Variants in SLC15A2 observed in about 807,000 individuals in gnomAD.
SLC15A2 encodes the protein kidney H(+)/peptide cotransporter.
SLC15A2 carries 77 observed loss-of-function variants against 95.5 expected under a neutral mutation model. The ratio of observed to expected loss-of-function variants is 0.81; its 90% confidence interval spans 0.67 to 0.97. The LOEUF (loss-of-function observed/expected upper bound fraction) is 0.97, where lower values mean the gene tolerates loss of function less well. SLC15A2 is among the 50% of genes least tolerant of loss of function. The probability of loss-of-function intolerance (pLI) is 0.00; values close to 1 mark genes in which losing one functional copy is unlikely to be tolerated. For synonymous variants in SLC15A2, 306 were observed against 306.9 expected, an observed-to-expected ratio of 1.00 and a Z score of 0.03; for missense variants, 893 against 874.4, an observed-to-expected ratio of 1.02 and a Z score of -0.27.
intron 19 of SLC15A2, 93 bp from the exon 20 acceptor site, chr3:121,939,256 A>G: frequency 9.4e-7 from 1 of 1,059,202 alleles, no homozygotes; most frequent in Non-Finnish European, 1.3e-6. Flanking sequence ...ATGAAAATAC[A>G]AAAAGGATGG....
chr3:121,925,477 A>T (rs1290789671), intron 13 of SLC15A2, among the ~76,000 whole-genome samples: 1 of 151,654 alleles, frequency 6.6e-6, no homozygotes, highest in Non-Finnish European at 1.5e-5. Flanking sequence ...ACTGCCTGAA[A>T]TTTTTTCTAA....
At chr3:121,934,571 T>C (rs1392412450) in intron 19 of SLC15A2, among the ~76,000 whole-genome samples, 22 of 150,850 alleles carry the variant, frequency 1.5e-4, no homozygotes, top group Non-Finnish European at 2.8e-4. Flanking sequence ...GTTTGTCTGT[T>C]ATTGGTGTAT....
At chr3:121,905,021 T>C (rs1366950332) in intron 3 of SLC15A2, among the ~76,000 whole-genome samples, 1 of 152,232 alleles carries the variant, frequency 6.6e-6, no homozygotes, top group African/African-American at 2.4e-5. Flanking sequence ...TTGCCTCAGT[T>C]TCAGAACCTG....
intron 3 of SLC15A2, among the ~76,000 whole-genome samples, chr3:121,897,750 T>A (rs955620747): frequency 2.0e-5 from 3 of 152,252 alleles, no homozygotes; most frequent in Admixed American, 1.3e-4. Flanking sequence ...TGTGTTTACA[T>A]CCTCTTCAGT....
At position 121,929,342 on chromosome 3, in the gene SLC15A2, C is replaced by A; in HGVS notation, c.1547C>A (p.Thr516Asn). Residue 516 changes from threonine (T) to asparagine (N), a missense_variant, in exon 17 of 22, where the codon ACC (threonine) becomes AAC (asparagine). Coordinates refer to ENST00000489711, the MANE Select transcript of SLC15A2 (RefSeq NM_021082.4). ...AGCAGAACAACCAATGGGATGACAACCGTGAGGTTTGAATGTCAATGAGAT... is the reference window on the plus strand; with the variant it reads ...AGCAGAACAACCAATGGGATGACAAACGTGAGGTTTGAATGTCAATGAGAT... ...TESRTTNGMT[T>N]VRFVNTLHKD... 1 of 1,613,906 alleles carries A rather than the reference C, an allele frequency of 6.2e-7. No individual in the cohort carries two copies. The highest frequency in any genetic ancestry group is 8.5e-7 in the Non-Finnish European group (1 of 1,179,806).
chr3:121,939,770 C>T (rs1255854409), intron 20 of SLC15A2, among the ~76,000 whole-genome samples: 2 of 151,970 alleles, frequency 1.3e-5, no homozygotes, highest in Non-Finnish European at 2.9e-5. Context: ...GCTGCATGAC[C>T]TATTGTGTAA....
intron 3 of SLC15A2, among the ~76,000 whole-genome samples, chr3:121,908,418 G>A (rs1709698533): frequency 1.3e-5 from 2 of 152,302 alleles, no homozygotes; most frequent in Non-Finnish European, 2.9e-5. Context: ...AATGAAATGA[G>A]CCAGGTACCT....
intron 3 of SLC15A2, among the ~76,000 whole-genome samples, chr3:121,901,922 T>TC (rs944418673): frequency 6.6e-6 from 1 of 152,114 alleles, no homozygotes; most frequent in African/African-American, 2.4e-5. Context: ...TTCTCTAACA[T>TC]TAGAAAGATT....
Position 121,923,237 on chromosome 3 carries a change from T to TGA in SLC15A2, c.973_974insGA (p.Leu325Ter). Residue 325 changes from leucine (L) to a stop codon, truncating the protein, a stop_gained and frameshift_variant, in exon 11 of 22, where the codon TTG becomes TGATG. Transcript: ENST00000489711. LOFTEE classifies it high-confidence loss of function. ...LLDQQGSRWT[L>*]QAIRMNRNLG... is the part of the protein sequence containing the mutation. ...TTTGCCCTAGGGTTCACGATGGACT[T>TGA]TGCAAGCCATCAGGATGAATAGGAA... 1 of 1,613,980 alleles carries TGA rather than the reference T, an allele frequency of 6.2e-7. No homozygotes were observed.
intron 3 of SLC15A2, among the ~76,000 whole-genome samples, chr3:121,909,419 T>G (rs1235785962): frequency 1.3e-5 from 2 of 152,226 alleles, no homozygotes; most frequent in Admixed American, 6.5e-5. Flanking sequence ...TTTCTTGATT[T>G]GTAAAATTGA....
chr3:121,925,161 T>C, intron 13 of SLC15A2, 128 bp downstream of exon 13: 1 of 700,090 alleles, frequency 1.4e-6, no homozygotes, highest in South Asian at 1.7e-5. Context: ...TCTGCTTCTA[T>C]TTTTCCATGT....
At chr3:121,913,949 C>G (rs368293650) in intron 5 of SLC15A2, among the ~76,000 whole-genome samples, 2 of 150,776 alleles carry the variant, frequency 1.3e-5, no homozygotes, top group East Asian at 3.9e-4. Flanking sequence ...CTCTCCCCCC[C>G]ACCTCCCGCC....
In SLC15A2 at chr3:121,943,308, G is replaced by GGC. The variant is rs2107617991; in HGVS notation, c.*2302_*2303dup. ...AATATGTATACCCCCTTTTTCATGT[G>GGC]GCAGATGTTTAGCTATTTGGGGAGA... is the stretch of plus-strand genomic sequence containing the variant. On this transcript the variant is annotated 3_prime_UTR_variant, in exon 22 of 22. Transcript: ENST00000489711. 6.6e-6 allele frequency: 1 copy of GGC among 151,138 alleles called. No individual in the cohort carries two copies. Among genetic ancestry groups the GGC allele is most frequent in the Admixed American group, 6.6e-5 (1 of 15,228 alleles). 9.4% of individuals were successfully genotyped at this position (151,138 alleles called of 1,614,324 possible). A position where few individuals can be genotyped will look rare whatever the true frequency, so the allele number is the denominator to read the frequency against.
intron 1 of SLC15A2, 62 bp downstream of exon 1, chr3:121,894,643 C>A: frequency 7.6e-7 from 1 of 1,316,006 alleles, no homozygotes; most frequent in Non-Finnish European, 1.1e-6. Flanking sequence ...GGCTCTCTTC[C>A]TTGGGCTCTG....
chr3:121,927,150 G>A (rs1434560354), intron 13 of SLC15A2, among the ~76,000 whole-genome samples: 1 of 152,172 alleles, frequency 6.6e-6, no homozygotes, highest in Non-Finnish European at 1.5e-5. Context: ...TTTTGATTGA[G>A]TTTGTGCTGG....
At position 121,922,788 on chromosome 3, in the gene SLC15A2, A is replaced by T. The variant is rs370032688; in HGVS notation, c.794A>T (p.Asn265Ile). The T allele has an allele frequency of 6.2e-7, 1 of 1,613,444 alleles. No individual in the cohort carries two copies. Among genetic ancestry groups the T allele is most frequent in the Non-Finnish European group, 8.5e-7 (1 of 1,179,506 alleles). The change falls in exon 9 of 22, where the codon AAT (asparagine) becomes ATT (isoleucine). Residue 265 changes from asparagine (N) to isoleucine (I), a missense_variant. Physicochemically the swap from Asn to Ile is moderately radical, Grantham distance 149. Transcript: ENST00000489711. ...TCTCTGCCCTAGTTTGCTATTTCCA[A>T]TCGTTTCAAGAACCGTTCTGGAGAC... ...VFKCIWFAISNRFKNRSGDIP... is the reference protein window; with the variant it reads ...VFKCIWFAISIRFKNRSGDIP...
chr3:121,928,694 A>C, intron 15 of SLC15A2, 139 bp downstream of exon 15: 1 of 952,716 alleles, frequency 1.0e-6, no homozygotes, highest in Non-Finnish European at 1.6e-6. Context: ...GGCATATAAT[A>C]TTCCATTCTA....
At chr3:121,934,110 C>T (rs1194150534) in intron 19 of SLC15A2, among the ~76,000 whole-genome samples, 1 of 152,090 alleles carries the variant, frequency 6.6e-6, no homozygotes, top group Non-Finnish European at 1.5e-5. Context: ...CTGTTCTGTT[C>T]CATTGATCTA....
intron 19 of SLC15A2, among the ~76,000 whole-genome samples, chr3:121,935,520 C>A (rs1176800386): frequency 4.6e-5 from 7 of 152,146 alleles, no homozygotes; most frequent in Non-Finnish European, 1.0e-4. Flanking sequence ...GGAATTTATC[C>A]ATTTCTTCTA....
Sources: gnomAD v4.1 joint callset for allele counts (sites outside exome capture counted in the v4.1 genomes callset) on GRCh38, gnomAD v4.1.1 for gene constraint, MANE v1.5 for transcripts, NCBI Gene and HGNC (gene_info 2026-07-23, HGNC 2026-07-21) for gene names.